MSRB1: variants seen among roughly 807,000 people sequenced by gnomAD.
MSRB1 encodes the protein methionine sulfoxide reductase B1.
Under a neutral mutation model 15.2 loss-of-function variants are expected in MSRB1, and 13 were observed. The ratio of observed to expected loss-of-function variants is 0.86; its 90% CI spans 0.56 to 1.36. MSRB1 has a LOEUF of 1.36. Ranked by LOEUF, MSRB1 falls within the 40% of genes most tolerant of loss-of-function variation. The pLI is 0.00. For missense variants in MSRB1, 174 were observed against 155.9 expected (o/e 1.12, Z -0.62); for synonymous variants, 68 against 64.5 (o/e 1.05, Z -0.26).
intron 1 of MSRB1, 66 bp downstream of exon 1, chr16:1,943,036 G>A: frequency 6.5e-7 from 1 of 1,541,712 alleles, no homozygotes; most frequent in Non-Finnish European, 8.8e-7. Context: ...CCGGACGACG[G>A]CGGCGCCCCC....
intron 2 of MSRB1, 148 bp from the exon 3 acceptor site, chr16:1,941,040 A>G (rs1354182269): frequency 6.4e-7 from 1 of 1,552,254 alleles, no homozygotes; most frequent in South Asian, 1.2e-5. Context: ...TTTGTCCTGG[A>G]GCCCGTACAG....
At chr16:1,941,145 T>A in intron 2 of MSRB1, 112 bp downstream of exon 2, 2 of 1,556,906 alleles carry the variant, frequency 1.3e-6, no homozygotes, top group South Asian at 2.4e-5. Context: ...AGGCCTGGAA[T>A]AGACGCCTCT....
At chr16:1,939,822 T>C (rs932434374) in intron 3 of MSRB1, among the ~76,000 whole-genome samples, 17 of 150,832 alleles carry the variant, frequency 1.1e-4, no homozygotes, top group Non-Finnish European at 1.8e-4. Context: ...GGCGCGGTAG[T>C]GGGAGCCTGT....
chr16:1,941,168 C>T, intron 2 of MSRB1, 89 bp downstream of exon 2: 1 of 1,575,728 alleles, frequency 6.3e-7, no homozygotes, highest in Admixed American at 1.9e-5. Context: ...GCCCCTGGAG[C>T]TGTGGGGCAA....
At chr16:1,941,113 G>A in intron 2 of MSRB1, 144 bp downstream of exon 2, 1 of 1,551,592 alleles carries the variant, frequency 6.4e-7, no homozygotes, top group South Asian at 1.2e-5. Context: ...GCCTGGGGTG[G>A]CAGCTCCCTG....
intron 3 of MSRB1, among the ~76,000 whole-genome samples, chr16:1,939,846 C>T (rs1264152438): frequency 1.3e-5 from 2 of 149,598 alleles, no homozygotes; most frequent in African/African-American, 2.5e-5. Context: ...CCCAGCTACT[C>T]GGGAGGCTGA....
intron 1 of MSRB1, 118 bp downstream of exon 1, chr16:1,942,984 G>A: frequency 1.4e-6 from 2 of 1,381,848 alleles, no homozygotes; most frequent in Non-Finnish European, 9.9e-7. Context: ...CTCCCCGGCA[G>A]CCACATTCGC....
intron 1 of MSRB1, 100 bp downstream of exon 1, chr16:1,943,002 C>A: frequency 1.3e-6 from 2 of 1,493,516 alleles, no homozygotes; most frequent in Non-Finnish European, 1.8e-6. Flanking sequence ...CGCCCCCATT[C>A]CCGGCTTGGG....
chr16:1,942,333 C>T (rs890146458), intron 1 of MSRB1, among the ~76,000 whole-genome samples: 1 of 152,226 alleles, frequency 6.6e-6, no homozygotes, highest in East Asian at 1.9e-4. Context: ...CCCAGCAGAT[C>T]CGCCCAAGGA....
chr16:1,941,548 G>A, intron 1 of MSRB1, 143 bp from the exon 2 acceptor site: 1 of 1,189,408 alleles, frequency 8.4e-7, no homozygotes, highest in Non-Finnish European at 1.2e-6. Context: ...ACCCGCCACG[G>A]GAGGCGCTGT....
chr16:1,939,609 G>A lies in MSRB1; in HGVS notation c.320-466C>T, dbSNP rs1331226189. Among the ~76,000 whole-genome samples the A allele has an allele frequency of 2.6e-5, 4 of 151,998 alleles. No homozygotes were observed. The South Asian group carries it at 6.2e-4, about 24-fold the overall frequency. ...GCACCTTGGGAGGCCAAGGCCCAGA[G>A]GAGTTCAAGACCAGCCTGGGCCACA... On this transcript the variant is annotated intron_variant, in intron 3 of 3. Transcript: ENST00000361871.
Position 1,941,361 on chromosome 16 carries a change from G to A in MSRB1, c.100C>T (p.Arg34Cys), listed in dbSNP as rs762754365. 1.1e-4 allele frequency: 183 copies of A among 1,613,748 alleles called. No homozygotes were observed. The highest frequency in any genetic ancestry group is 3.3e-4 in the Admixed American group (20 of 59,988). ...AKCGYELFSS[R>C]SKYAHSSPWP... is the part of the protein sequence containing the mutation. ...GGAGACGAGTGTGCATACTTCGAGCGGCTGGAGAACAGCTCATAGCCACAC... is the reference window on the plus strand; with the variant it reads ...GGAGACGAGTGTGCATACTTCGAGCAGCTGGAGAACAGCTCATAGCCACAC... Residue 34 changes from arginine (R) to cysteine (C), a missense_variant, in exon 2 of 4, where the codon CGC becomes TGC. Coordinates refer to ENST00000361871, the MANE Select transcript of MSRB1 (RefSeq NM_016332.4).
Position 1,940,465 on chromosome 16 carries a change from C to CA in MSRB1, c.319+312dup, listed in dbSNP as rs141836820. Among the ~76,000 whole-genome samples the CA allele has an allele frequency of 4.2e-3, 634 of 152,356 alleles. 6 individuals are homozygous for CA. The highest frequency in any genetic ancestry group is 0.015 in the African/African-American group (626 of 41,582). On this transcript the variant is annotated intron_variant, in intron 3 of 3. Coordinates refer to ENST00000361871, the MANE Select transcript of MSRB1 (RefSeq NM_016332.4). The stretch of plus-strand genomic sequence containing the variant: ...GACACAGCCGCACAGACTGGGGCCT[C>CA]AGGCTCTGCCTGCCCCGCCCCTGAC...
At chr16:1,942,979 C>T (rs1297024635) in intron 1 of MSRB1, 123 bp downstream of exon 1, 2 of 1,356,190 alleles carry the variant, frequency 1.5e-6, no homozygotes, top group Non-Finnish European at 2.0e-6. Flanking sequence ...CGCTTCTCCC[C>T]GGCAGCCACA....
intron 1 of MSRB1, among the ~76,000 whole-genome samples, chr16:1,942,277 G>A (rs1475198499): frequency 6.6e-6 from 1 of 152,346 alleles, no homozygotes; most frequent in South Asian, 2.1e-4. Context: ...GGGAGGCTTT[G>A]CCGGGATGGT....
chr16:1,943,021 C>A, intron 1 of MSRB1, 81 bp downstream of exon 1: 3 of 1,528,556 alleles, frequency 2.0e-6, no homozygotes, highest in African/African-American at 1.4e-5. Flanking sequence ...GGAGAGACAT[C>A]ACCCCCGGAC....
chr16:1,939,052 G>A lies in MSRB1; in HGVS notation c.*60C>T. ...ACGCCCAGGGTTCCAACTCCAAGGTGGAATGGCCAACGTGTGGCCTCAGTG... is the reference window on the plus strand; with the variant it reads ...ACGCCCAGGGTTCCAACTCCAAGGTAGAATGGCCAACGTGTGGCCTCAGTG... On this transcript the variant is annotated 3_prime_UTR_variant, in exon 4 of 4. Coordinates refer to ENST00000361871, the MANE Select transcript of MSRB1 (RefSeq NM_016332.4). 3 of 1,601,292 alleles carry A rather than the reference G, an allele frequency of 1.9e-6. No individual in the cohort carries two copies. The highest frequency in any genetic ancestry group is 2.6e-6 in the Non-Finnish European group (3 of 1,170,540).
At chr16:1,941,501 C>T in intron 1 of MSRB1, 96 bp from the exon 2 acceptor site, 1 of 1,464,088 alleles carries the variant, frequency 6.8e-7, no homozygotes, top group Non-Finnish European at 9.1e-7. Flanking sequence ...ACAGCGCTGC[C>T]CCCGTTCCGA....
In MSRB1 at chr16:1,940,824, C is replaced by G; in HGVS notation, c.273G>C (p.Gln91His). ...EFLNDGPKPG[Q>H]SRFUIFSSSL... Reference sequence around the variant, plus strand: ...AGCTGCTGAATATTCAGAATCGGGACTGCCCCGGCTTGGGGCCGTCGTTCA... The same window carrying G: ...AGCTGCTGAATATTCAGAATCGGGAGTGCCCCGGCTTGGGGCCGTCGTTCA... The change falls in exon 3 of 4, where the codon CAG becomes CAC. Residue 91 changes from glutamine (Q) to histidine (H), a missense_variant. By Grantham distance (24) the Gln-to-His change is conservative. Transcript: ENST00000361871. 6.2e-7 allele frequency: 1 copy of G among 1,614,162 alleles called. No individual in the cohort carries two copies. Among genetic ancestry groups the G allele is most frequent in the South Asian group, 1.1e-5 (1 of 91,084 alleles).
Sources: allele counts gnomAD v4.1 joint callset (sites outside exome capture counted in the v4.1 genomes callset), GRCh38; gene constraint gnomAD v4.1.1; transcripts MANE v1.5; gene names NCBI Gene and HGNC (gene_info 2026-07-23, HGNC 2026-07-21).